HIP1: variants seen among roughly 807,000 people sequenced by gnomAD.
The protein encoded by HIP1 is huntingtin-interacting protein 1.
Under a neutral mutation model 147.6 loss-of-function variants are expected in HIP1, and 65 were observed. That is an observed-to-expected ratio of 0.44 (90% CI 0.36 to 0.54). The LOEUF is 0.54. Ranked by LOEUF, HIP1 falls within the 20% of genes least tolerant of loss-of-function variation. HIP1 has a pLI of 0.00. For missense variants in HIP1, 1,061 were observed against 1,299.6 expected (o/e 0.82, Z 2.82); for synonymous variants, 479 against 504.0 (o/e 0.95, Z 0.67).
chr7:75,582,026 A>T, intron 6 of HIP1, 49 bp downstream of exon 6: 1 of 1,475,782 alleles, frequency 6.8e-7, no homozygotes. Flanking sequence ...AAGTGTCAGC[A>T]TTCACAAAAG....
chr7:75,581,663 C>T (rs1471640855), intron 6 of HIP1, among the ~76,000 whole-genome samples: 1 of 152,176 alleles, frequency 6.6e-6, no homozygotes, highest in Non-Finnish European at 1.5e-5. Flanking sequence ...CCTGTAATCC[C>T]AGCTACTCGG....
At chr7:75,555,920 C>CA in intron 18 of HIP1, 106 bp downstream of exon 18, 1 of 1,414,866 alleles carries the variant, frequency 7.1e-7, no homozygotes, top group Non-Finnish European at 9.7e-7. Context: ...GCCAAGGCCC[C>CA]AAACCCCTTC....
In HIP1 at chr7:75,545,830, A is replaced by C. The variant is rs180871971; in HGVS notation, c.2560-642T>G. Among the ~76,000 whole-genome samples, 126 of 151,604 alleles carry C rather than the reference A, an allele frequency of 8.3e-4. 1 individual carries two copies. Among genetic ancestry groups the C allele is most frequent in the African/African-American group, 1.4e-3 (58 of 41,282 alleles). On this transcript the variant is annotated intron_variant, in intron 25 of 30. Transcript: ENST00000336926. Reference sequence around the variant, plus strand: ...GTGGTGTGTGCCTGGAATCCCAGCTACTCGGGAGGCTGAGGCAGGAGAATC... The same window carrying C: ...GTGGTGTGTGCCTGGAATCCCAGCTCCTCGGGAGGCTGAGGCAGGAGAATC...
chr7:75,587,189 C>T (rs1438339905), intron 4 of HIP1, among the ~76,000 whole-genome samples: 1 of 152,206 alleles, frequency 6.6e-6, no homozygotes, highest in Admixed American at 6.5e-5. Context: ...GATCCACCTG[C>T]TTTGGCCTCC....
At chr7:75,690,193 G>A (rs1343602193) in intron 1 of HIP1, among the ~76,000 whole-genome samples, 3 of 151,970 alleles carry the variant, frequency 2.0e-5, no homozygotes, top group Non-Finnish European at 2.9e-5. Flanking sequence ...TTGGAAGATC[G>A]GCTGAGCACA....
chr7:75,570,785 T>C (rs1795599900), intron 8 of HIP1, among the ~76,000 whole-genome samples: 1 of 151,834 alleles, frequency 6.6e-6, no homozygotes, highest in Non-Finnish European at 1.5e-5. Flanking sequence ...GGCAGGAGGA[T>C]CACTTGAGCT....
chr7:75,559,611 G>A, intron 14 of HIP1, 121 bp downstream of exon 14: 1 of 824,406 alleles, frequency 1.2e-6, no homozygotes, highest in East Asian at 2.7e-5. Context: ...ATTCCTAGCT[G>A]TTTCTAGAAA....
In HIP1 at chr7:75,667,676, A is replaced by T. The variant is rs147742975; in HGVS notation, c.121-68429T>A. On this transcript the variant is annotated intron_variant, in intron 1 of 30. Transcript: ENST00000336926. Reference sequence around the variant, plus strand: ...AATTAAAAATTTTGTGAGTGTGTAGAGACAAGGTCTCACTATGTTGCCCAG... The same window carrying T: ...AATTAAAAATTTTGTGAGTGTGTAGTGACAAGGTCTCACTATGTTGCCCAG... Among the ~76,000 whole-genome samples, 256 of 152,312 alleles carry T rather than the reference A, an allele frequency of 1.7e-3. No homozygotes were observed. The South Asian group carries it at 0.019, about 12-fold the overall frequency.
rs201975785 is a variant in HIP1, at chr7:75,546,932, C to T, written c.2559+7G>A. 75 of 1,556,768 alleles carry T rather than the reference C, an allele frequency of 4.8e-5. 2 individuals are homozygous for T. In the Middle Eastern group the frequency reaches 8.4e-4, roughly 17 times the overall value. ...TCTTCCTGCCCAGGGCCCACACCCACGCTCACCCTGCCGCTCTCCACAATC... is the reference window on the plus strand; with the variant it reads ...TCTTCCTGCCCAGGGCCCACACCCATGCTCACCCTGCCGCTCTCCACAATC... On this transcript the variant is annotated splice_region_variant and intron_variant, in intron 25 of 30. Transcript: ENST00000336926.
intron 1 of HIP1, chr7:75,626,750 G>A (rs1201922510): frequency 6.6e-6 from 1 of 152,162 alleles, no homozygotes; most frequent in Non-Finnish European, 1.5e-5. Context: ...ATTATGGTAT[G>A]GCCCCATTTT....
At chr7:75,608,429 C>T (rs587741305) in intron 1 of HIP1, among the ~76,000 whole-genome samples, 3 of 152,254 alleles carry the variant, frequency 2.0e-5, no homozygotes, top group African/African-American at 4.8e-5. Context: ...AAGGAGGGAA[C>T]GTATGGTTCC....
chr7:75,648,311 T>C (rs567773608), intron 1 of HIP1, among the ~76,000 whole-genome samples: 4 of 151,566 alleles, frequency 2.6e-5, no homozygotes, highest in South Asian at 2.1e-4. Context: ...TTGGGGCTGA[T>C]TGGAGTAGCT....
intron 1 of HIP1, among the ~76,000 whole-genome samples, chr7:75,647,340 G>A (rs541794239): frequency 1.3e-5 from 2 of 151,336 alleles, no homozygotes; most frequent in Non-Finnish European, 2.9e-5. Context: ...AAAAGTTGCA[G>A]TGAGCAGAGA....
At chr7:75,733,580 C>G (rs1307759299) in intron 1 of HIP1, 1 of 153,372 alleles carries the variant, frequency 6.5e-6, no homozygotes, top group Non-Finnish European at 1.5e-5. Context: ...GGTGCCTCCT[C>G]TGGCAGTGAC....
intron 29 of HIP1, 86 bp from the exon 30 acceptor site, chr7:75,539,517 G>C: frequency 9.2e-7 from 1 of 1,088,504 alleles, no homozygotes; most frequent in Non-Finnish European, 1.4e-6. Context: ...ATGGGGTCTT[G>C]TTCTGCTGCC....
intron 22 of HIP1, among the ~76,000 whole-genome samples, chr7:75,551,188 A>T (rs1794768332): frequency 2.2e-5 from 1 of 45,790 alleles, no homozygotes. Flanking sequence ...TGTAGATGAT[A>T]ATTTTTTTTT....
At chr7:75,600,658 T>A (rs1262598068) in intron 1 of HIP1, among the ~76,000 whole-genome samples, 1 of 152,198 alleles carries the variant, frequency 6.6e-6, no homozygotes, top group African/African-American at 2.4e-5. Context: ...TCTACAAAAA[T>A]TAGATTGTCA....
intron 19 of HIP1, among the ~76,000 whole-genome samples, 156 bp downstream of exon 19, chr7:75,555,260 T>C (rs1389257033): frequency 7.2e-6 from 1 of 139,068 alleles, no homozygotes; most frequent in Non-Finnish European, 1.5e-5. Context: ...TTTCCACATG[T>C]AACTGATCTA....
chr7:75,614,418 A>C (rs1310291027), intron 1 of HIP1, among the ~76,000 whole-genome samples: 1 of 152,136 alleles, frequency 6.6e-6, no homozygotes, highest in Non-Finnish European at 1.5e-5. Flanking sequence ...CACAGTTACA[A>C]GGTAGATAAG....
Sources: allele counts gnomAD v4.1 joint callset (sites outside exome capture counted in the v4.1 genomes callset), GRCh38; gene constraint gnomAD v4.1.1; transcripts MANE v1.5; gene names NCBI Gene and HGNC (gene_info 2026-07-23, HGNC 2026-07-21).